Variants in UNC79 observed in about 807,000 individuals in gnomAD.
UNC79 encodes protein unc-79 homolog.
UNC79 carries 37 observed loss-of-function variants against 283.1 expected under a neutral mutation model. The ratio of observed to expected loss-of-function variants is 0.13; its 90% CI spans 0.10 to 0.17. The LOEUF (loss-of-function observed/expected upper bound fraction) is 0.17. Among genes scored for constraint, UNC79 ranks in the 10% least tolerant of loss-of-function variants. The probability of loss-of-function intolerance (pLI) is 1.00; values close to 1 mark genes in which losing one functional copy is unlikely to be tolerated. For missense variants in UNC79, 2,272 were observed against 3,211.1 expected, an observed-to-expected ratio of 0.71 and a Z score of 7.07; for synonymous variants, 1,107 against 1,200.2, an observed-to-expected ratio of 0.92 and a Z score of 1.61.
At position 93,566,581 on chromosome 14, in the gene UNC79, A is replaced by G. The variant is rs192597748; in HGVS notation, c.1756-5313A>G. On this transcript the variant is annotated intron_variant, in intron 14 of 48. Transcript: ENST00000555664. ...ATCAATAGTTCAGCATTCCTTCTTG[A>G]GTAGGGACACTCCACAACCTTGGTT... Among the ~76,000 whole-genome samples, 137 of 151,578 alleles carry G rather than the reference A, an allele frequency of 9.0e-4. 1 individual carries two copies. In the South Asian group the frequency reaches 0.027, roughly 30 times the overall value.
chr14:93,497,437 A>G (rs969733630), intron 7 of UNC79, 151 bp downstream of exon 7: 29 of 1,201,438 alleles, frequency 2.4e-5, no homozygotes, highest in Non-Finnish European at 3.0e-5. Flanking sequence ...TAAGTGGTTT[A>G]AAGATGAATT....
In UNC79 at chr14:93,474,442, T is replaced by A. The variant is rs1241575878; in HGVS notation, c.448+49T>A. ...GGAAATGTACGTGGATGCTTATGAATGTATATGATGCTGAGCAAGGGGCTT... is the reference window on the plus strand; with the variant it reads ...GGAAATGTACGTGGATGCTTATGAAAGTATATGATGCTGAGCAAGGGGCTT... On this transcript the variant is annotated intron_variant, in intron 3 of 48. Coordinates refer to ENST00000555664, the Ensembl canonical transcript of UNC79. The surrounding 1 kb of genome is among the most constrained non-coding windows in gnomAD (Gnocchi z 4.1). 6.6e-6 allele frequency: 10 copies of A among 1,505,092 alleles called. No individual in the cohort carries two copies. Among genetic ancestry groups the A allele is most frequent in the Non-Finnish European group, 8.9e-6 (10 of 1,128,880 alleles). The allele number at this position is 1,505,092 out of a possible 1,614,324, so 93.2% of individuals were successfully genotyped here.
At chr14:93,574,858 G>T (rs1406736441) in intron 16 of UNC79, among the ~76,000 whole-genome samples, 200 bp from the exon 17 acceptor site, 1 of 152,048 alleles carries the variant, frequency 6.6e-6, no homozygotes, top group Non-Finnish European at 1.5e-5. Context: ...GATGCTGGGG[G>T]TGAGGAAAGG....
chr14:93,675,172 A>G (rs1201853629), intron 41 of UNC79, among the ~76,000 whole-genome samples: 1 of 152,198 alleles, frequency 6.6e-6, no homozygotes, highest in Non-Finnish European at 1.5e-5. Flanking sequence ...TCCCACCACA[A>G]ATATTTACTG....
At chr14:93,582,327 A>G in exon 20 of UNC79, 1 of 1,614,114 alleles carries the variant, frequency 6.2e-7, no homozygotes, top group Non-Finnish European at 8.5e-7. Context: ...AACTGCACCG[A>G]GCCCGTGGAA....
At chr14:93,554,643 T>C (rs1004522266) in intron 14 of UNC79, among the ~76,000 whole-genome samples, 4 of 152,188 alleles carry the variant, frequency 2.6e-5, no homozygotes, top group Admixed American at 2.6e-4. Context: ...TTTATTTTAA[T>C]ATTTAATTTA....
At chr14:93,457,009 T>A (rs1478312189) in intron 1 of UNC79, among the ~76,000 whole-genome samples, 1 of 152,218 alleles carries the variant, frequency 6.6e-6, no homozygotes, top group Non-Finnish European at 1.5e-5. Context: ...TACAAGTAGT[T>A]CTTGTGATAC....
At chr14:93,408,072 A>G (rs1348728876) in intron 1 of UNC79, among the ~76,000 whole-genome samples, 2 of 152,230 alleles carry the variant, frequency 1.3e-5, no homozygotes, top group East Asian at 3.8e-4. Flanking sequence ...ATTACAAGGC[A>G]TAATTAATGG....
intron 1 of UNC79, among the ~76,000 whole-genome samples, chr14:93,420,110 A>G (rs1336599366): frequency 6.6e-6 from 1 of 151,224 alleles, no homozygotes; most frequent in Non-Finnish European, 1.5e-5. Context: ...GTCCTTACTT[A>G]TCAATAATAA....
chr14:93,611,024 T>C (rs2066264732), intron 26 of UNC79, among the ~76,000 whole-genome samples: 2 of 152,226 alleles, frequency 1.3e-5, no homozygotes, highest in African/African-American at 4.8e-5. Context: ...ATGAACCACA[T>C]GCTGTGATGC....
chr14:93,491,088 G>A (rs187558701), intron 5 of UNC79, among the ~76,000 whole-genome samples: 49 of 152,286 alleles, frequency 3.2e-4, no homozygotes, highest in Admixed American at 1.4e-3. Context: ...GTTCATGAAT[G>A]GCTGTCGTTC....
At chr14:93,567,562 T>C (rs1406086562) in intron 14 of UNC79, among the ~76,000 whole-genome samples, 1 of 152,144 alleles carries the variant, frequency 6.6e-6, no homozygotes. Flanking sequence ...TTCCTTTTTC[T>C]GTCCATAAAT....
chr14:93,592,172 C>CTTTTTT (rs557283063), intron 22 of UNC79, among the ~76,000 whole-genome samples: 7 of 124,772 alleles, frequency 5.6e-5, no homozygotes, highest in Non-Finnish European at 8.3e-5. Flanking sequence ...ATAACTTTTC[C>CTTTTTT]TTTTTTTTTT....
At chr14:93,655,236 T>A in exon 38 of UNC79, 1 of 1,613,796 alleles carries the variant, frequency 6.2e-7, no homozygotes, top group Non-Finnish European at 8.5e-7. Context: ...GTTTTTAGGG[T>A]CTAAATAACA....
chr14:93,407,362 T>G (rs1595439590), intron 1 of UNC79, among the ~76,000 whole-genome samples: 1 of 152,130 alleles, frequency 6.6e-6, no homozygotes, highest in East Asian at 2.0e-4. Context: ...TAGAAACACT[T>G]AAACAATAAT....
At chr14:93,578,934 C>T (rs986854061) in intron 18 of UNC79, among the ~76,000 whole-genome samples, 6 of 152,222 alleles carry the variant, frequency 3.9e-5, no homozygotes, top group African/African-American at 1.4e-4. Flanking sequence ...AGGACAGTTC[C>T]TCAGTCTTTA....
chr14:93,690,026 C>A lies in UNC79; in HGVS notation c.7086-91C>A. 7.0e-7 allele frequency: 1 copy of A among 1,437,504 alleles called. No individual in the cohort carries two copies. The highest frequency in any genetic ancestry group is 1.4e-5 in the African/African-American group (1 of 71,290). 89.0% of individuals were successfully genotyped at this position (1,437,504 alleles called of 1,614,324 possible). A position where few individuals can be genotyped will look rare whatever the true frequency, so the allele number is the denominator to read the frequency against. On this transcript the variant is annotated intron_variant, in intron 44 of 48. Coordinates refer to ENST00000555664, the Ensembl canonical transcript of UNC79. This position sits in a 1 kb window ranked among gnomAD's most constrained non-coding sequence, Gnocchi z 4.3. Reference sequence around the variant, plus strand: ...TTATGTGATTGCCTGCAAGACCACACTTTCAATCCCTTCCTTCAATAAGCA... The same window carrying A: ...TTATGTGATTGCCTGCAAGACCACAATTTCAATCCCTTCCTTCAATAAGCA...
chr14:93,693,378 A>T (rs1216859141), intron 46 of UNC79, among the ~76,000 whole-genome samples: 1 of 152,228 alleles, frequency 6.6e-6, no homozygotes, highest in Non-Finnish European at 1.5e-5. Flanking sequence ...GTTTTTTGAT[A>T]CCAAGAAATA....
intron 33 of UNC79, among the ~76,000 whole-genome samples, chr14:93,643,171 A>G (rs188417810): frequency 4.6e-5 from 7 of 152,338 alleles, no homozygotes; most frequent in African/African-American, 1.2e-4. Context: ...TTTAACTTCA[A>G]CAAATTAAAA....
Sources: gnomAD v4.1 joint callset for allele counts (sites outside exome capture counted in the v4.1 genomes callset) on GRCh38, gnomAD v4.1.1 for gene constraint, Gnocchi (gnomAD v3.1) non-coding constraint, MANE v1.5 for transcripts, NCBI Gene and HGNC (gene_info 2026-07-23, HGNC 2026-07-21) for gene names.